The following CTH variants were observed in gnomAD, a reference collection of about 807,000 sequenced individuals.
CTH encodes cystathionine gamma-lyase.
Under a neutral mutation model 50.6 loss-of-function variants are expected in CTH, and 41 were observed. The observed-to-expected ratio is 0.81, with a 90% CI of 0.63 to 1.05. CTH has a LOEUF of 1.05. Among genes scored for constraint, CTH ranks in the 50% least tolerant of loss-of-function variants. The probability of loss-of-function intolerance (pLI) is 0.00; values close to 1 mark genes in which losing one functional copy is unlikely to be tolerated. For synonymous variants in CTH, 156 were observed against 168.9 expected (o/e 0.92, Z 0.59); for missense variants, 470 against 492.6 (o/e 0.95, Z 0.43).
intron 1 of CTH, among the ~76,000 whole-genome samples, 189 bp from the exon 2 acceptor site, chr1:70,415,767 T>C (rs1311756257): frequency 6.6e-6 from 1 of 152,228 alleles, no homozygotes; most frequent in East Asian, 1.9e-4. Flanking sequence ...AGAATTCACA[T>C]AGAGTTTGTT....
At chr1:70,438,910 G>A in intron 11 of CTH, 84 bp downstream of exon 11, 1 of 1,605,602 alleles carries the variant, frequency 6.2e-7, no homozygotes, top group Non-Finnish European at 8.5e-7. Flanking sequence ...TATTTACAAA[G>A]TGTGGTCTCA....
At chr1:70,417,547 A>C (rs1211095276) in intron 2 of CTH, among the ~76,000 whole-genome samples, 2 of 152,176 alleles carry the variant, frequency 1.3e-5, no homozygotes, top group Non-Finnish European at 2.9e-5. Context: ...GGGCTCCCAA[A>C]GTGCTGGGAT....
chr1:70,420,133 C>T (rs1402657613), intron 3 of CTH, among the ~76,000 whole-genome samples: 1 of 151,976 alleles, frequency 6.6e-6, no homozygotes, highest in Non-Finnish European at 1.5e-5. Context: ...GCTGGGATTA[C>T]AGGCATGTGC....
chr1:70,428,089 T>G lies in CTH; in HGVS notation c.589-1705T>G, dbSNP rs1265376494. 2.0e-5 allele frequency among the ~76,000 whole-genome samples: 3 copies of G among 151,692 alleles called. No homozygotes were observed. The East Asian group carries it at 5.8e-4, about 29-fold the overall frequency. Reference sequence around the variant, plus strand: ...CAAATACATTTTAAGACTACAGGATTAACCTAGAGGACATTATGTTAAGTG... The same window carrying G: ...CAAATACATTTTAAGACTACAGGATGAACCTAGAGGACATTATGTTAAGTG... On this transcript the variant is annotated intron_variant, in intron 5 of 11. Transcript: ENST00000370938.
At chr1:70,429,230 AT>A (rs1203391539) in intron 5 of CTH, among the ~76,000 whole-genome samples, 2 of 152,128 alleles carry the variant, frequency 1.3e-5, no homozygotes, top group Non-Finnish European at 2.9e-5. Context: ...TTTTCCAAGT[AT>A]TTTTTTACCC....
chr1:70,421,916 CA>C (rs2101738032), intron 4 of CTH, among the ~76,000 whole-genome samples: 1 of 152,170 alleles, frequency 6.6e-6, no homozygotes, highest in South Asian at 2.1e-4. Flanking sequence ...TTATCTTGGG[CA>C]AATTATTTAA....
intron 4 of CTH, among the ~76,000 whole-genome samples, chr1:70,422,261 G>C (rs1053359086): frequency 6.6e-6 from 1 of 152,166 alleles, no homozygotes; most frequent in African/African-American, 2.4e-5. Context: ...GCAATCTTTA[G>C]CTTCCATCCT....
chr1:70,430,326 ATGT>A lies in CTH; in HGVS notation c.660_662del (p.Val221del). 1 of 1,587,840 alleles carries A rather than the reference ATGT, an allele frequency of 6.3e-7. No homozygotes were observed. Among genetic ancestry groups the A allele is most frequent in the Non-Finnish European group, 8.6e-7 (1 of 1,156,346 alleles). On this transcript the variant is annotated inframe_deletion, in exon 7 of 12. Coordinates refer to ENST00000370938, the MANE Select transcript of CTH (RefSeq NM_001902.6). ...TGTTTTTTGTTTTTAGGCCACAGTG[ATGT>A]TGTAATGGGCCTGGTGTCTGTTAAT...
chr1:70,414,183 G>T (rs1441209580), intron 1 of CTH, among the ~76,000 whole-genome samples: 1 of 151,786 alleles, frequency 6.6e-6, no homozygotes, highest in African/African-American at 2.4e-5. Context: ...GAAGGTGATG[G>T]TGGGGAGGGG....
chr1:70,422,957 A>G (rs1684259854), intron 4 of CTH, among the ~76,000 whole-genome samples: 1 of 152,154 alleles, frequency 6.6e-6, no homozygotes, highest in Non-Finnish European at 1.5e-5. Context: ...GAGTACAGTA[A>G]GTCTTGTCAA....
At chr1:70,426,384 C>A (rs1429482268) in intron 5 of CTH, among the ~76,000 whole-genome samples, 1 of 152,202 alleles carries the variant, frequency 6.6e-6, no homozygotes, top group Non-Finnish European at 1.5e-5. Context: ...TTCCTGAAAA[C>A]CAGCTCATTT....
intron 3 of CTH, 65 bp from the exon 4 acceptor site, chr1:70,421,501 T>C: frequency 6.6e-7 from 1 of 1,520,248 alleles, no homozygotes; most frequent in East Asian, 2.3e-5. Flanking sequence ...TGTTTATACA[T>C]AGAAGGAATG....
At chr1:70,415,571 A>G (rs1684072846) in intron 1 of CTH, among the ~76,000 whole-genome samples, 1 of 152,228 alleles carries the variant, frequency 6.6e-6, no homozygotes, top group South Asian at 2.1e-4. Flanking sequence ...AAAAACTGTC[A>G]TTTATTTAGT....
At chr1:70,420,695 A>G (rs1036021257) in intron 3 of CTH, among the ~76,000 whole-genome samples, 9 of 152,140 alleles carry the variant, frequency 5.9e-5, no homozygotes, top group Non-Finnish European at 1.2e-4. Flanking sequence ...AAATTTGCAC[A>G]ATGTTTCGTA....
At chr1:70,429,997 G>A in intron 6 of CTH, 146 bp downstream of exon 6, 1 of 673,986 alleles carries the variant, frequency 1.5e-6, no homozygotes. Flanking sequence ...TTGATTAAAT[G>A]TAGGATTTCA....
rs777635939 is a variant in CTH, at chr1:70,411,467, T to G, written c.52T>G (p.Phe18Val). ...SQGFLPHFQH[F>V]ATQAIHVGQD... ...AGGTTTCCTGCCACACTTCCAACAT[T>G]TCGCCACGCAGGCGATCCATGTGGG... The change falls in exon 1 of 12, where the codon TTC becomes GTC. Residue 18 changes from phenylalanine to valine, a missense_variant. Transcript: ENST00000370938. 2 of 1,614,148 alleles carry G rather than the reference T, an allele frequency of 1.2e-6. No homozygotes were observed. The highest frequency in any genetic ancestry group is 2.2e-5 in the South Asian group (2 of 91,078).
At position 70,439,060 on chromosome 1, in the gene CTH, T is replaced by C. The variant is rs755053825; in HGVS notation, c.1192-41T>C. Reference sequence around the variant, plus strand: ...CTTGAGGAGTTGAAGCTATGGCCTATATGTTTAATAACATATTTTTCTTGT... The same window carrying C: ...CTTGAGGAGTTGAAGCTATGGCCTACATGTTTAATAACATATTTTTCTTGT... On this transcript the variant is annotated intron_variant, in intron 11 of 11. Transcript: ENST00000370938. 5.0e-6 allele frequency: 8 copies of C among 1,590,862 alleles called. No homozygotes were observed. The Admixed American group carries it at 1.3e-4, about 27-fold the overall frequency.
intron 5 of CTH, among the ~76,000 whole-genome samples, chr1:70,428,668 G>C (rs556347318): frequency 3.3e-5 from 5 of 151,892 alleles, no homozygotes; most frequent in Non-Finnish European, 7.4e-5. Flanking sequence ...GGAGTGCAGT[G>C]GTGTCATGAA....
At chr1:70,438,215 A>C (rs1337260553) in intron 10 of CTH, among the ~76,000 whole-genome samples, 1 of 152,178 alleles carries the variant, frequency 6.6e-6, no homozygotes, top group Non-Finnish European at 1.5e-5. Flanking sequence ...ATTCTTGGTC[A>C]TCTTTCTCCG....
Sources: gnomAD v4.1 joint callset for allele counts (sites outside exome capture counted in the v4.1 genomes callset) on GRCh38, gnomAD v4.1.1 for gene constraint, MANE v1.5 for transcripts, NCBI Gene and HGNC (gene_info 2026-07-23, HGNC 2026-07-21) for gene names.